Variants in SGO2 observed in about 807,000 individuals in gnomAD.
SGO2 encodes the protein shugoshin-like 2.
SGO2 carries 68 observed loss-of-function variants against 99.5 expected under a neutral mutation model. The ratio of observed to expected loss-of-function variants is 0.68; its 90% CI spans 0.56 to 0.84. The LOEUF is 0.84. Ranked by LOEUF, SGO2 falls within the 40% of genes least tolerant of loss-of-function variation. The probability of loss-of-function intolerance (pLI) is 0.00; values close to 1 mark genes in which losing one functional copy is unlikely to be tolerated. For synonymous variants in SGO2, 457 were observed against 487.1 expected, an observed-to-expected ratio of 0.94 and a Z score of 0.81; for missense variants, 1,350 against 1,436.7, an observed-to-expected ratio of 0.94 and a Z score of 0.97.
At chr2:200,568,545 G>A (rs2033279499) in intron 5 of SGO2, among the ~76,000 whole-genome samples, 1 of 152,154 alleles carries the variant, frequency 6.6e-6, no homozygotes, top group Admixed American at 6.5e-5. Flanking sequence ...AGGTCAGCTA[G>A]ATATTTGGGG....
Position 200,532,981 on chromosome 2 carries a change from G to C in SGO2, c.6G>C (p.Glu2Asp). ...TTTTTTCTTTCACTTCAGTGATGGA[G>C]TGCCCAGTGATGGAAACTGGCTCAC... M[E>D]CPVMETGSLF... The change falls in exon 2 of 9, where the codon GAG (glutamate) becomes GAC (aspartate). Residue 2 changes from glutamate (E) to aspartate (D), a missense_variant. By Grantham distance (45) the Glu-to-Asp change is conservative. Transcript: ENST00000357799. 6.2e-7 allele frequency: 1 copy of C among 1,607,298 alleles called. No homozygotes were observed.
rs532236963 is a variant in SGO2, at chr2:200,573,212, G to C, written c.2866G>C (p.Asp956His). 24 of 1,577,456 alleles carry C rather than the reference G, an allele frequency of 1.5e-5. No homozygotes were observed. Among genetic ancestry groups the C allele is most frequent in the South Asian group, 1.1e-4 (9 of 82,798 alleles). Residue 956 changes from aspartate to histidine, a missense_variant, in exon 7 of 9, where the codon GAC becomes CAC. Asp to His is a moderately conservative substitution (Grantham distance 81). Coordinates refer to ENST00000357799, the MANE Select transcript of SGO2 (RefSeq NM_152524.6). ...NKSKQKLECQ[D>H]IINKHYMEVN... ...ATCTAAACAAAAACTTGAATGCCAA[G>C]ACATTATCAATAAACACTATATGGA...
chr2:200,574,344 A>C (rs554871254), intron 7 of SGO2, among the ~76,000 whole-genome samples: 244 of 152,132 alleles, frequency 1.6e-3, no homozygotes, highest in Middle Eastern at 3.4e-3. Context: ...AGACAGTTGC[A>C]TGTTTCTTGA....
At position 200,572,534 on chromosome 2, in the gene SGO2, G is replaced by A; in HGVS notation, c.2188G>A (p.Asp730Asn). ...AATAATTTCTGAAGTGAATCATTTA[G>A]ATAATGACAAAAGTATAGAATACAC... ...TEIISEVNHL[D>N]NDKSIEYTVK... The change falls in exon 7 of 9, where the codon GAT (aspartate) becomes AAT (asparagine). Residue 730 changes from aspartate (D) to asparagine (N), a missense_variant. Asp to Asn is a conservative substitution (Grantham distance 23). Coordinates refer to ENST00000357799, the MANE Select transcript of SGO2 (RefSeq NM_152524.6). 1 of 1,612,200 alleles carries A rather than the reference G, an allele frequency of 6.2e-7. No homozygotes were observed. The highest frequency in any genetic ancestry group is 8.5e-7 in the Non-Finnish European group (1 of 1,178,824).
At chr2:200,582,429 A>C (rs2106356411) in intron 8 of SGO2, among the ~76,000 whole-genome samples, 1 of 152,280 alleles carries the variant, frequency 6.6e-6, no homozygotes, top group Admixed American at 6.5e-5. Context: ...TCAGTAAAAG[A>C]GCAAACTAAA....
chr2:200,542,778 A>AC (rs760871731), intron 5 of SGO2, 114 bp downstream of exon 5: 29 of 857,360 alleles, frequency 3.4e-5, no homozygotes, highest in Admixed American at 2.8e-4. Context: ...TTATCTACTA[A>AC]CGTAGAAATG....
intron 5 of SGO2, among the ~76,000 whole-genome samples, chr2:200,565,732 C>G (rs1394115173): frequency 6.6e-6 from 1 of 152,160 alleles, no homozygotes; most frequent in East Asian, 1.9e-4. Flanking sequence ...TTCACATAGT[C>G]CCATATTTCT....
At chr2:200,564,774 G>C (rs1255884298) in intron 5 of SGO2, among the ~76,000 whole-genome samples, 2 of 152,146 alleles carry the variant, frequency 1.3e-5, no homozygotes, top group Non-Finnish European at 2.9e-5. Context: ...ATTTAGGATG[G>C]TTAGCTCTTC....
At position 200,571,215 on chromosome 2, in the gene SGO2, C is replaced by T. The variant is rs2033405002; in HGVS notation, c.869C>T (p.Pro290Leu). Residue 290 changes from proline to leucine, a missense_variant, in exon 7 of 9, where the codon CCC becomes CTC. Coordinates refer to ENST00000357799, the MANE Select transcript of SGO2 (RefSeq NM_152524.6). ...TCAAATAATCTTTCTGCAGACACTC[C>T]CTGTGCAACAGTTTTAGATAAACAA... ...WESNNLSADT[P>L]CATVLDKQHI... 4 of 1,613,544 alleles carry T rather than the reference C, an allele frequency of 2.5e-6. No homozygotes were observed. The highest frequency in any genetic ancestry group is 3.4e-6 in the Non-Finnish European group (4 of 1,179,652).
chr2:200,564,726 T>G (rs923104091), intron 5 of SGO2, among the ~76,000 whole-genome samples: 1 of 152,226 alleles, frequency 6.6e-6, no homozygotes, highest in African/African-American at 2.4e-5. Flanking sequence ...AAGGACTTGC[T>G]TTATGAATCT....
rs895299715 is a variant in SGO2 at position 200,572,188 on chromosome 2, G to C, written c.1842G>C (p.Lys614Asn). Residue 614 changes from lysine (K) to asparagine (N), a missense_variant, in exon 7 of 9, where the codon AAG becomes AAC. Transcript: ENST00000357799. ...AATCAAACATTAATAAGCTTAGAAA[G>C]AAAGTAAACCGGAAGACAGAAATAA... ...QNESNINKLR[K>N]KVNRKTEIIS... The C allele has an allele frequency of 1.2e-6, 2 of 1,612,376 alleles. No homozygotes were observed. The highest frequency in any genetic ancestry group is 3.3e-5 in the Admixed American group (2 of 59,830).
At chr2:200,548,527 A>G (rs1178409103) in intron 5 of SGO2, among the ~76,000 whole-genome samples, 1 of 152,222 alleles carries the variant, frequency 6.6e-6, no homozygotes, top group Non-Finnish European at 1.5e-5. Flanking sequence ...AAAACTTCAA[A>G]TAAACAACCT....
At chr2:200,535,953 A>G (rs1027479928) in intron 3 of SGO2, 112 bp from the exon 4 acceptor site, 3 of 576,392 alleles carry the variant, frequency 5.2e-6, no homozygotes, top group African/African-American at 3.7e-5. Flanking sequence ...GCTCAATATG[A>G]TATCAACTAT....
intron 1 of SGO2, among the ~76,000 whole-genome samples, chr2:200,531,413 A>G (rs2031374678): frequency 6.6e-6 from 1 of 152,140 alleles, no homozygotes; most frequent in South Asian, 2.1e-4. Context: ...GGAGGAGGGA[A>G]GATGAATGGT....
Position 200,572,137 on chromosome 2 carries a change from T to G in SGO2, c.1791T>G (p.Thr597=). ...HNILDLKKYV[T]DIQPSEQNES... ...TATTGGATTTGAAAAAGTATGTCAC[T>G]GATATTCAACCCTCAGAGCAAAATG... The change falls in exon 7 of 9, where the codon ACT becomes ACG. Residue 597 remains threonine (T), a synonymous_variant. Coordinates refer to ENST00000357799, the MANE Select transcript of SGO2 (RefSeq NM_152524.6). The G allele has an allele frequency of 1.2e-6, 2 of 1,612,758 alleles. No individual in the cohort carries two copies. Among genetic ancestry groups the G allele is most frequent in the Non-Finnish European group, 1.7e-6 (2 of 1,179,440 alleles).
chr2:200,541,034 A>AG (rs34565615), intron 4 of SGO2, among the ~76,000 whole-genome samples: 120,559 of 152,104 alleles, frequency 0.79, 48,013 homozygotes, highest in Non-Finnish European at 0.83. Flanking sequence ...AGAAGGTGGA[A>AG]GGCAAGAAAG....
At chr2:200,556,556 T>G (rs1574858574) in intron 5 of SGO2, among the ~76,000 whole-genome samples, 1 of 151,962 alleles carries the variant, frequency 6.6e-6, no homozygotes, top group East Asian at 1.9e-4. Context: ...AAGCCAGAAG[T>G]CATACATGGA....
In SGO2 at chr2:200,570,511, G is replaced by GTGTGTGTGT. The variant is rs1425864320; in HGVS notation, c.704-539_704-538insTGTGTGTGT. ...GTGTGTGTGTGTGTGTGTGTGTGTG[G>GTGTGTGTGT]GCATATGTATATGTATATAATATAT... On this transcript the variant is annotated intron_variant, in intron 6 of 8. Transcript: ENST00000357799. The surrounding 1 kb of genome is among the most constrained non-coding windows in gnomAD (Gnocchi z 4.4). Among the ~76,000 whole-genome samples, 7 of 66,550 alleles carry GTGTGTGTGT rather than the reference G, an allele frequency of 1.1e-4. No homozygotes were observed. Among genetic ancestry groups the GTGTGTGTGT allele is most frequent in the African/African-American group, 3.6e-4 (7 of 19,646 alleles). The allele number at this position is 66,550 out of a possible 152,430, so 43.7% of individuals were successfully genotyped here.
chr2:200,535,909 A>G (rs1472056935), intron 3 of SGO2, among the ~76,000 whole-genome samples, 156 bp from the exon 4 acceptor site: 1 of 152,228 alleles, frequency 6.6e-6, no homozygotes, highest in East Asian at 1.9e-4. Context: ...ACTATATAAT[A>G]TACCATTTTA....
Sources: allele counts gnomAD v4.1 joint callset (sites outside exome capture counted in the v4.1 genomes callset), GRCh38; gene constraint gnomAD v4.1.1; non-coding constraint Gnocchi (gnomAD v3.1); transcripts MANE v1.5; gene names NCBI Gene and HGNC (gene_info 2026-07-23, HGNC 2026-07-21).